The following CTSS variants were observed in gnomAD, a reference collection of about 807,000 sequenced individuals.
The protein encoded by CTSS is cathepsin S.
A neutral mutation model predicts 39.9 loss-of-function variants in CTSS; 15 were observed. The observed-to-expected ratio is 0.38, with a 90% CI of 0.25 to 0.58. The LOEUF (loss-of-function observed/expected upper bound fraction) is 0.58, where lower values mean the gene tolerates loss of function less well. CTSS is among the 20% of genes least tolerant of loss of function. The pLI, the probability that CTSS is intolerant of heterozygous loss-of-function variation, is 0.70. For synonymous variants in CTSS, 126 were observed against 138.2 expected (o/e 0.91, Z 0.62); for missense variants, 250 against 398.2 (o/e 0.63, Z 3.17).
At chr1:150,753,936 G>T (rs1653058808) in intron 4 of CTSS, among the ~76,000 whole-genome samples, 1 of 132,660 alleles carries the variant, frequency 7.5e-6, no homozygotes, top group Non-Finnish European at 1.6e-5. Context: ...GGGAGACCCT[G>T]TCTCAAACAA....
At chr1:150,754,103 C>T (rs1653064549) in intron 4 of CTSS, among the ~76,000 whole-genome samples, 1 of 147,808 alleles carries the variant, frequency 6.8e-6, no homozygotes, top group African/African-American at 2.5e-5. Flanking sequence ...TACACATCCT[C>T]CTATACACTT....
At chr1:150,755,511 G>A (rs112325265) in intron 3 of CTSS, among the ~76,000 whole-genome samples, 9,511 of 152,090 alleles carry the variant, frequency 0.063, 997 homozygotes, top group African/African-American at 0.22. Context: ...AGGCCGAGCC[G>A]GGCAAATCAC....
At chr1:150,753,501 C>T (rs973253744) in intron 4 of CTSS, among the ~76,000 whole-genome samples, 25 of 152,138 alleles carry the variant, frequency 1.6e-4, no homozygotes, top group African/African-American at 5.8e-4. Context: ...TCCTGATCAC[C>T]AGGGCTCTCT....
chr1:150,733,271 G>A, intron 7 of CTSS, 126 bp from the exon 8 acceptor site: 1 of 634,498 alleles, frequency 1.6e-6, no homozygotes, highest in Non-Finnish European at 2.7e-6. Context: ...AAATTAGAAT[G>A]AAATAAGGTA....
At chr1:150,751,755 G>A in intron 5 of CTSS, 26 bp downstream of exon 5, 1 of 1,600,164 alleles carries the variant, frequency 6.2e-7, no homozygotes, top group Non-Finnish European at 8.6e-7. Flanking sequence ...TCATGGGGCA[G>A]CACAAAAAGT....
Position 150,733,000 on chromosome 1 carries a change from G to A in CTSS, c.*46C>T. 7.4e-7 allele frequency: 1 copy of A among 1,354,356 alleles called. No individual in the cohort carries two copies. Among genetic ancestry groups the A allele is most frequent in the East Asian group, 2.3e-5 (1 of 43,310 alleles). The allele number at this position is 1,354,356 out of a possible 1,614,324, so 83.9% of individuals were successfully genotyped here. On this transcript the variant is annotated 3_prime_UTR_variant, in exon 8 of 8. Coordinates refer to ENST00000368985, the MANE Select transcript of CTSS (RefSeq NM_004079.5). ...TACAGCAGGAAAAATTAAGTTAAGA[G>A]AAAGTGCTTCATATTTCTTGATTTG...
intron 7 of CTSS, among the ~76,000 whole-genome samples, chr1:150,744,477 TTA>T: frequency 1.8e-5 from 1 of 56,452 alleles, no homozygotes; most frequent in Non-Finnish European, 3.3e-5. Flanking sequence ...ATATTATATA[TTA>T]TATGTATATT....
intron 7 of CTSS, among the ~76,000 whole-genome samples, chr1:150,738,029 T>C (rs750728420): frequency 1.3e-5 from 2 of 152,180 alleles, no homozygotes; most frequent in South Asian, 2.1e-4. Flanking sequence ...GATAATGTCA[T>C]GCTTTACAGG....
At chr1:150,757,315 T>C (rs1174121728) in intron 3 of CTSS, among the ~76,000 whole-genome samples, 2 of 152,230 alleles carry the variant, frequency 1.3e-5, no homozygotes, top group Non-Finnish European at 2.9e-5. Context: ...TGGACTAAAC[T>C]GGTTTCCCAT....
intron 3 of CTSS, among the ~76,000 whole-genome samples, chr1:150,755,427 G>A (rs998902580): frequency 3.3e-5 from 5 of 152,080 alleles, no homozygotes; most frequent in African/African-American, 9.7e-5. Flanking sequence ...AAAAGGTAGA[G>A]TGAAAATACA....
chr1:150,743,618 GTATATTATGTATACATAATATATTAT>G (rs1652820580), intron 7 of CTSS, among the ~76,000 whole-genome samples: 1 of 69,802 alleles, frequency 1.4e-5, no homozygotes, highest in Non-Finnish European at 3.2e-5. Context: ...TATTATATAT[GTATATTATGTATACATAATATATTAT>G]ATATGTATAT....
intron 7 of CTSS, among the ~76,000 whole-genome samples, chr1:150,734,651 G>A (rs1228501896): frequency 1.3e-5 from 2 of 151,768 alleles, no homozygotes; most frequent in African/African-American, 4.8e-5. Context: ...CTCAAAAAAA[G>A]AAAATAAATA....
intron 7 of CTSS, among the ~76,000 whole-genome samples, chr1:150,734,175 T>C (rs2101907870): frequency 6.6e-6 from 1 of 152,014 alleles, no homozygotes; most frequent in East Asian, 2.0e-4. Flanking sequence ...ACTGCAGGCA[T>C]GTGCCACCAC....
intron 6 of CTSS, among the ~76,000 whole-genome samples, chr1:150,749,582 G>A (rs1056456456): frequency 4.2e-4 from 3 of 7,164 alleles, no homozygotes; most frequent in Admixed American, 1.2e-3. Context: ...ACCCCGCCCC[G>A]CCCCGCCCCG....
chr1:150,744,771 T>C (rs890579561), intron 7 of CTSS, among the ~76,000 whole-genome samples: 3 of 150,254 alleles, frequency 2.0e-5, no homozygotes, highest in Non-Finnish European at 4.4e-5. Context: ...GACAGGATGG[T>C]TTCTTACTAT....
At chr1:150,763,651 A>G (rs764434135) in intron 2 of CTSS, among the ~76,000 whole-genome samples, 12 of 152,204 alleles carry the variant, frequency 7.9e-5, no homozygotes, top group Non-Finnish European at 1.6e-4. Flanking sequence ...ATAATATGTC[A>G]AATAAATAAA....
intron 2 of CTSS, 133 bp from the exon 3 acceptor site, chr1:150,758,113 G>T (rs1430672785): frequency 8.2e-6 from 6 of 729,940 alleles, no homozygotes; most frequent in Non-Finnish European, 6.5e-6. Context: ...CCAATGGCAC[G>T]ATCTCAGCTT....
chr1:150,746,463 G>C (rs1652897302), intron 7 of CTSS, among the ~76,000 whole-genome samples: 1 of 152,098 alleles, frequency 6.6e-6, no homozygotes, highest in South Asian at 2.1e-4. Flanking sequence ...ATGAAGACCA[G>C]ACATAATCTC....
rs114311647 is a variant in CTSS, at chr1:150,737,406, C to T, written c.897-4261G>A. 5.2e-3 allele frequency among the ~76,000 whole-genome samples: 790 copies of T among 152,118 alleles called. 11 individuals are homozygous for T. The highest frequency in any genetic ancestry group is 0.018 in the African/African-American group (748 of 41,514). Reference sequence around the variant, plus strand: ...CGTGAGCCACTGAGCCGGGCTGAGTCCGTCTACTTTTAAAAAAATGTATAG... The same window carrying T: ...CGTGAGCCACTGAGCCGGGCTGAGTTCGTCTACTTTTAAAAAAATGTATAG... On this transcript the variant is annotated intron_variant, in intron 7 of 7. Transcript: ENST00000368985.
Sources: gnomAD v4.1 joint callset for allele counts (sites outside exome capture counted in the v4.1 genomes callset) on GRCh38, gnomAD v4.1.1 for gene constraint, MANE v1.5 for transcripts, NCBI Gene and HGNC (gene_info 2026-07-23, HGNC 2026-07-21) for gene names.